The following SLC26A11 variants were observed in gnomAD, a reference collection of about 807,000 sequenced individuals.
The protein encoded by SLC26A11 is sodium-independent sulfate anion transporter.
In SLC26A11, 58 loss-of-function variants were observed where a neutral mutation model predicts 62.2. That is an observed-to-expected ratio of 0.93 (90% confidence interval 0.76 to 1.16). The LOEUF is 1.16. Ranked by LOEUF, SLC26A11 falls within the 50% of genes most tolerant of loss-of-function variation. The pLI is 0.00. For missense variants in SLC26A11, 790 were observed against 794.3 expected (o/e 0.99, Z 0.06); for synonymous variants, 411 against 368.9 (o/e 1.11, Z -1.31).
intron 6 of SLC26A11, among the ~76,000 whole-genome samples, chr17:80,226,181 G>T (rs1056038729): frequency 6.6e-6 from 1 of 152,204 alleles, no homozygotes; most frequent in Non-Finnish European, 1.5e-5. Flanking sequence ...GGGAGCTGGA[G>T]CAGGGCAATG....
intron 6 of SLC26A11, 123 bp downstream of exon 6, chr17:80,226,039 C>G (rs1246529903): frequency 1.7e-5 from 13 of 769,646 alleles, no homozygotes; most frequent in Non-Finnish European, 2.8e-5. Flanking sequence ...CAGAGCAGCC[C>G]CATCAGCAGC....
intron 9 of SLC26A11, among the ~76,000 whole-genome samples, chr17:80,238,302 G>A (rs1181922418): frequency 6.6e-6 from 1 of 152,214 alleles, no homozygotes; most frequent in Non-Finnish European, 1.5e-5. Flanking sequence ...GCATTGAGCT[G>A]TGATAGTGCC....
intron 5 of SLC26A11, among the ~76,000 whole-genome samples, chr17:80,224,478 A>T (rs2042348904): frequency 6.6e-6 from 1 of 151,898 alleles, no homozygotes; most frequent in Admixed American, 6.6e-5. Flanking sequence ...TGTGAGTGTG[A>T]GAATAAAGTA....
At chr17:80,238,848 CAG>C (rs1350631457) in intron 9 of SLC26A11, among the ~76,000 whole-genome samples, 2 of 109,552 alleles carry the variant, frequency 1.8e-5, no homozygotes, top group African/African-American at 8.6e-5. Flanking sequence ...TTTTTGGAGA[CAG>C]AGTCTCACTC....
chr17:80,249,379 G>A, intron 16 of SLC26A11, 92 bp downstream of exon 16: 3 of 1,524,600 alleles, frequency 2.0e-6, no homozygotes, highest in Non-Finnish European at 2.7e-6. Flanking sequence ...TCTCTGGGCT[G>A]TGATGCTGGA....
rs1433114269 is a variant in SLC26A11, at chr17:80,228,344, A to G, written c.736+384A>G. 2.6e-5 allele frequency among the ~76,000 whole-genome samples: 4 copies of G among 152,078 alleles called. No homozygotes were observed. The East Asian group carries it at 7.7e-4, about 29-fold the overall frequency. The stretch of plus-strand genomic sequence containing the variant: ...GACGGGGTTTCACCATGTTGACCAT[A>G]CTGGTCTCAAACTCCTGACCTCGAG... On this transcript the variant is annotated intron_variant, in intron 7 of 17. Coordinates refer to ENST00000361193, the MANE Select transcript of SLC26A11 (RefSeq NM_001166347.2). This position sits in a 1 kb window ranked among gnomAD's most constrained non-coding sequence, Gnocchi z 4.1.
In SLC26A11 at chr17:80,249,295, T is replaced by A; in HGVS notation, c.1656+8T>A. On this transcript the variant is annotated splice_region_variant and intron_variant, in intron 16 of 17. Coordinates refer to ENST00000361193, the MANE Select transcript of SLC26A11 (RefSeq NM_001166347.2). ...GCCTTTGTGGGCCTGCAGGTGGGTG[T>A]GCACTGGGCTGCCTTAGGGGTTAGC... The A allele has an allele frequency of 2.5e-6, 4 of 1,609,202 alleles. No individual in the cohort carries two copies. Among genetic ancestry groups the A allele is most frequent in the Non-Finnish European group, 3.4e-6 (4 of 1,179,944 alleles).
In SLC26A11 at chr17:80,237,543, G is replaced by C. The variant is rs549132744; in HGVS notation, c.934G>C (p.Val312Leu). Residue 312 changes from valine (V) to leucine (L), a missense_variant, in exon 9 of 18, where the codon GTG becomes CTG. Val to Leu is a conservative substitution (Grantham distance 32, BLOSUM62 1). Transcript: ENST00000361193. ...TCAGGACATGGGAGCCGGGCTGGCC[G>C]TGGTGCCCCTGATGGGCCTCCTGGA... ...MVQDMGAGLA[V>L]VPLMGLLESI... 2 of 1,611,638 alleles carry C rather than the reference G, an allele frequency of 1.2e-6. No homozygotes were observed. The highest frequency in any genetic ancestry group is 1.7e-6 in the Non-Finnish European group (2 of 1,179,142).
At chr17:80,238,432 G>C (rs12452028) in intron 9 of SLC26A11, among the ~76,000 whole-genome samples, 47,628 of 152,104 alleles carry the variant, frequency 0.31, 8,531 homozygotes, top group East Asian at 0.6. Context: ...CCTAAACATT[G>C]AGCAACATGC....
At chr17:80,235,746 T>A (rs954267557) in intron 7 of SLC26A11, among the ~76,000 whole-genome samples, 2 of 152,254 alleles carry the variant, frequency 1.3e-5, no homozygotes, top group African/African-American at 4.8e-5. Flanking sequence ...CTGGATATTT[T>A]TGTATTCTAT....
chr17:80,229,089 G>C (rs2042492829), intron 7 of SLC26A11, among the ~76,000 whole-genome samples: 1 of 152,322 alleles, frequency 6.6e-6, no homozygotes, highest in Non-Finnish European at 1.5e-5. Context: ...GACAGATTAA[G>C]CTCAGAATAA....
At chr17:80,239,944 G>A (rs1205290999) in intron 9 of SLC26A11, among the ~76,000 whole-genome samples, 1 of 152,278 alleles carries the variant, frequency 6.6e-6, no homozygotes, top group Non-Finnish European at 1.5e-5. Flanking sequence ...ACTTGGGGAT[G>A]TGCTGTCCGT....
chr17:80,247,146 A>G lies in SLC26A11; in HGVS notation c.1294+497A>G, dbSNP rs563704022. Among the ~76,000 whole-genome samples the G allele has an allele frequency of 2.2e-4, 34 of 151,910 alleles. No homozygotes were observed. In the South Asian group the frequency reaches 4.6e-3, roughly 20 times the overall value. On this transcript the variant is annotated intron_variant, in intron 13 of 17. Coordinates refer to ENST00000361193, the MANE Select transcript of SLC26A11 (RefSeq NM_001166347.2). The stretch of plus-strand genomic sequence containing the variant: ...GGGGATTTGGCAGGGTCATAGGACA[A>G]TATGGGGTTGGGGGTAAGGTCACAG...
At chr17:80,248,371 C>T (rs1413940996) in intron 14 of SLC26A11, 114 bp downstream of exon 14, 16 of 1,420,546 alleles carry the variant, frequency 1.1e-5, no homozygotes, top group Admixed American at 9.1e-5. Flanking sequence ...TGAAGGGGAC[C>T]GCTCGCTGGC....
At chr17:80,244,538 A>G (rs2042945858) in intron 10 of SLC26A11, among the ~76,000 whole-genome samples, 1 of 152,106 alleles carries the variant, frequency 6.6e-6, no homozygotes, top group African/African-American at 2.4e-5. Flanking sequence ...GCTGGGTGAG[A>G]AGTGTTTGAA....
chr17:80,227,882 G>T lies in SLC26A11; in HGVS notation c.658G>T (p.Asp220Tyr). Residue 220 changes from aspartate to tyrosine, a missense_variant, in exon 7 of 18, where the codon GAC becomes TAC. Asp to Tyr is a radical substitution (Grantham distance 160). Coordinates refer to ENST00000361193, the MANE Select transcript of SLC26A11 (RefSeq NM_001166347.2). Reference protein sequence around the residue: ...LLLLVLKLMRDHVPPVHPEMP... With the variant: ...LLLLVLKLMRYHVPPVHPEMP... ...GCTGCTGGTGCTGAAGCTGATGCGG[G>T]ACCACGTGCCTCCCGTCCACCCCGA... The T allele has an allele frequency of 6.2e-7, 1 of 1,602,324 alleles. No individual in the cohort carries two copies. The highest frequency in any genetic ancestry group is 8.5e-7 in the Non-Finnish European group (1 of 1,179,846).
chr17:80,247,538 T>C (rs1193481599), intron 13 of SLC26A11, among the ~76,000 whole-genome samples: 1 of 152,254 alleles, frequency 6.6e-6, no homozygotes, highest in Non-Finnish European at 1.5e-5. Context: ...ATTTTCTGGT[T>C]AGCCCCAGCA....
Position 80,252,573 on chromosome 17 carries a change from A to C in SLC26A11, c.1730-52A>C. 2 of 1,567,348 alleles carry C rather than the reference A, an allele frequency of 1.3e-6. No individual in the cohort carries two copies. The highest frequency in any genetic ancestry group is 1.8e-6 in the Non-Finnish European group (2 of 1,141,546). On this transcript the variant is annotated intron_variant, in intron 17 of 17. Transcript: ENST00000361193. The surrounding 1 kb of genome is among the most constrained non-coding windows in gnomAD (Gnocchi z 5.2). ...TTAATCCCTTCCTGTGAACTGACCC[A>C]TCCTCACTTCTGAGCTTTTAGTGCT... is the stretch of plus-strand genomic sequence containing the variant.
chr17:80,242,483 A>G (rs1036399462), intron 10 of SLC26A11, among the ~76,000 whole-genome samples: 2 of 152,188 alleles, frequency 1.3e-5, no homozygotes, highest in Non-Finnish European at 2.9e-5. Context: ...GCCGGGGGTC[A>G]AGAGGGGAAG....
Sources: allele counts gnomAD v4.1 joint callset (sites outside exome capture counted in the v4.1 genomes callset), GRCh38; gene constraint gnomAD v4.1.1; non-coding constraint Gnocchi (gnomAD v3.1); transcripts MANE v1.5; gene names NCBI Gene and HGNC (gene_info 2026-07-23, HGNC 2026-07-21).